CROCC2: variants seen among roughly 807,000 people sequenced by gnomAD.
The protein encoded by CROCC2 is ciliary rootlet coiled-coil protein 2.
CROCC2 carries 163 observed loss-of-function variants against 177.6 expected under a neutral mutation model. The observed-to-expected ratio is 0.92, with a 90% CI of 0.81 to 1.05. The LOEUF (loss-of-function observed/expected upper bound fraction) is 1.05. CROCC2 is among the 50% of genes least tolerant of loss of function. The pLI is 0.00. For missense variants in CROCC2, 1,929 were observed against 1,797.8 expected (o/e 1.07, Z -1.32); for synonymous variants, 904 against 787.3 (o/e 1.15, Z -2.48).
At chr2:240,930,125 G>A (rs1055945916) in intron 5 of CROCC2, 41 bp from the exon 6 acceptor site, 16 of 533,728 alleles carry the variant, frequency 3.0e-5, no homozygotes, top group Non-Finnish European at 4.8e-5. Flanking sequence ...GAGGGTAAAG[G>A]GGCCCCAGCC....
Position 240,982,754 on chromosome 2 carries a change from G to C in CROCC2, c.4402-126G>C. 1.3e-6 allele frequency: 1 copy of C among 772,702 alleles called. No homozygotes were observed. Among genetic ancestry groups the C allele is most frequent in the East Asian group, 2.8e-5 (1 of 36,360 alleles). The allele number at this position is 772,702 out of a possible 1,614,324, so 47.9% of individuals were successfully genotyped here. ...TCAGGTTGTCCTTAACCACGTTCTT[G>C]CTGTTTTCATCCCAGCGATACGGTC... On this transcript the variant is annotated intron_variant, in intron 27 of 31. Transcript: ENST00000690015. This position sits in a 1 kb window ranked among gnomAD's most constrained non-coding sequence, Gnocchi z 4.7.
chr2:240,950,279 C>G (rs2059545875), intron 17 of CROCC2, 55 bp from the exon 18 acceptor site: 1 of 1,509,578 alleles, frequency 6.6e-7, no homozygotes, highest in African/African-American at 1.4e-5. Flanking sequence ...GGACCATAGA[C>G]AACTGCTGGC....
intron 1 of CROCC2, among the ~76,000 whole-genome samples, chr2:240,909,998 C>T (rs982398898): frequency 3.9e-5 from 6 of 152,124 alleles, no homozygotes; most frequent in Non-Finnish European, 7.4e-5. Context: ...CTCCCAGGCC[C>T]GGAGAAGCCT....
rs2059725094 is a variant in CROCC2 at position 240,972,114 on chromosome 2, G to C, written c.4401+3852G>C. Among the ~76,000 whole-genome samples the C allele has an allele frequency of 6.6e-6, 1 of 152,148 alleles. No homozygotes were observed. Among genetic ancestry groups the C allele is most frequent in the African/African-American group, 2.4e-5 (1 of 41,428 alleles). On this transcript the variant is annotated intron_variant, in intron 27 of 31. Coordinates refer to ENST00000690015, the MANE Select transcript of CROCC2 (RefSeq NM_001351305.2). The surrounding 1 kb of genome is among the most constrained non-coding windows in gnomAD (Gnocchi z 7.1). The stretch of plus-strand genomic sequence containing the variant: ...TTTTCTCAAACCCCAGTGGATACTA[G>C]TTTTGTGATTTTTTTCCTTTGCGTG...
intron 7 of CROCC2, among the ~76,000 whole-genome samples, chr2:240,931,615 G>A (rs545009783): frequency 1.3e-5 from 2 of 152,364 alleles, no homozygotes; most frequent in East Asian, 3.9e-4. Context: ...GGGGCTCAGA[G>A]GTCTCTTGAG....
At position 240,949,723 on chromosome 2, in the gene CROCC2, C is replaced by A. The variant is rs561026438; in HGVS notation, c.2652+21C>A. On this transcript the variant is annotated intron_variant, in intron 17 of 31. Coordinates refer to ENST00000690015, the MANE Select transcript of CROCC2 (RefSeq NM_001351305.2). The surrounding 1 kb of genome is among the most constrained non-coding windows in gnomAD (Gnocchi z 4.5). ...AGAAGGTCTGCTTCCCAGGAGCCCA[C>A]CAGTAGCTTCCTAGAAGGCTACCAG... 6.6e-7 allele frequency: 1 copy of A among 1,523,274 alleles called. No homozygotes were observed. The highest frequency in any genetic ancestry group is 1.2e-5 in the South Asian group (1 of 82,942). The allele number at this position is 1,523,274 out of a possible 1,614,324, so 94.4% of individuals were successfully genotyped here. A position where few individuals can be genotyped will look rare whatever the true frequency, so the allele number is the denominator to read the frequency against.
At chr2:240,951,560 G>A (rs767853373) in intron 18 of CROCC2, among the ~76,000 whole-genome samples, 18 of 151,396 alleles carry the variant, frequency 1.2e-4, no homozygotes, top group East Asian at 5.9e-4. Context: ...ATCCACATTC[G>A]TAGCTGTCCA....
intron 4 of CROCC2, among the ~76,000 whole-genome samples, 188 bp from the exon 5 acceptor site, chr2:240,925,536 C>A (rs1210590751): frequency 6.6e-6 from 1 of 152,162 alleles, no homozygotes; most frequent in Non-Finnish European, 1.5e-5. Flanking sequence ...GATGCTGGCA[C>A]TCAGTTTAGG....
intron 2 of CROCC2, among the ~76,000 whole-genome samples, chr2:240,919,445 A>G (rs956247000): frequency 6.6e-6 from 1 of 152,024 alleles, no homozygotes; most frequent in Non-Finnish European, 1.5e-5. Flanking sequence ...TCTGCCTCCA[A>G]TTATCCACCT....
At chr2:240,983,867 C>T (rs1398512691) in intron 28 of CROCC2, among the ~76,000 whole-genome samples, 1 of 152,180 alleles carries the variant, frequency 6.6e-6, no homozygotes, top group Non-Finnish European at 1.5e-5. Flanking sequence ...TGGCCTGACA[C>T]ATCACACACC....
Position 240,946,222 on chromosome 2 carries a change from C to A in CROCC2, c.2332C>A (p.Arg778=). 1.3e-6 allele frequency: 2 copies of A among 1,540,342 alleles called. No individual in the cohort carries two copies. The highest frequency in any genetic ancestry group is 1.8e-6 in the Non-Finnish European group (2 of 1,138,790). Reference sequence around the variant, plus strand: ...GCAGGAGGCCTTGGAGAGGCAGGGCCGGCTCGCAGCTGAAGAGGCAGCTGA... The same window carrying A: ...GCAGGAGGCCTTGGAGAGGCAGGGCAGGCTCGCAGCTGAAGAGGCAGCTGA... ...AKQEALERQG[R]LAAEEAADLR... Residue 778 remains arginine (R), a synonymous_variant, in exon 15 of 32, where the codon CGG becomes AGG. Transcript: ENST00000690015.
In CROCC2 at chr2:240,972,297, G is replaced by A. The variant is rs1048570198; in HGVS notation, c.4401+4035G>A. The stretch of plus-strand genomic sequence containing the variant: ...GCCACAGGGAGCCATGGGGAATATG[G>A]GGAGCCAGCAGTGGAGTTCTGGCCC... On this transcript the variant is annotated intron_variant, in intron 27 of 31. Transcript: ENST00000690015. This position sits in a 1 kb window ranked among gnomAD's most constrained non-coding sequence, Gnocchi z 7.1. Among the ~76,000 whole-genome samples, 1 of 152,180 alleles carries A rather than the reference G, an allele frequency of 6.6e-6. No individual in the cohort carries two copies.
At chr2:240,992,200 T>C (rs1378944104) in intron 31 of CROCC2, among the ~76,000 whole-genome samples, 2 of 152,154 alleles carry the variant, frequency 1.3e-5, no homozygotes, top group African/African-American at 2.4e-5. Context: ...CTTGTTCTCC[T>C]CTCCAAAGGG....
rs759619062 is a variant in CROCC2 at position 240,966,208 on chromosome 2, G to A, written c.3962-17G>A. On this transcript the variant is annotated splice_polypyrimidine_tract_variant and intron_variant, in intron 24 of 31. Coordinates refer to ENST00000690015, the MANE Select transcript of CROCC2 (RefSeq NM_001351305.2). ...CTGTGTTCCTGTCCACGACCCCTCC[G>A]CTGTCACCTCCCGCAGGCTCCGACA... 2.6e-5 allele frequency: 27 copies of A among 1,034,420 alleles called. No individual in the cohort carries two copies. The highest frequency in any genetic ancestry group is 4.9e-5 in the South Asian group (1 of 20,572). The allele number at this position is 1,034,420 out of a possible 1,614,324, so 64.1% of individuals were successfully genotyped here. A position where few individuals can be genotyped will look rare whatever the true frequency, so the allele number is the denominator to read the frequency against.
rs1290571307 is a variant in CROCC2 at position 240,965,721 on chromosome 2, G to C, written c.3689G>C (p.Ser1230Thr). The change falls in exon 24 of 32, where the codon AGC becomes ACC. Residue 1230 changes from serine to threonine, a missense_variant. Ser to Thr is a moderately conservative substitution (Grantham distance 58). Transcript: ENST00000690015. The stretch of plus-strand genomic sequence containing the variant: ...CGGCTCCAGGAGCACCTCCGTGAGA[G>C]CCGGGGGGCTGAGCAGACCCTCCGA... ...GQRLQEHLRE[S>T]RGAEQTLRAE... The C allele has an allele frequency of 6.5e-7, 1 of 1,546,700 alleles. No individual in the cohort carries two copies. Among genetic ancestry groups the C allele is most frequent in the Non-Finnish European group, 8.7e-7 (1 of 1,145,232 alleles).
intron 28 of CROCC2, chr2:240,983,706 A>T: frequency 9.2e-7 from 1 of 1,089,100 alleles, no homozygotes; most frequent in Non-Finnish European, 1.2e-6. Flanking sequence ...GGTGGCACTA[A>T]GCTCAGGGTC....
chr2:240,989,768 G>T lies in CROCC2; in HGVS notation c.4798G>T (p.Ala1600Ser), dbSNP rs1031395589. 12 of 1,550,030 alleles carry T rather than the reference G, an allele frequency of 7.7e-6. No individual in the cohort carries two copies. The highest frequency in any genetic ancestry group is 1.4e-5 in the African/African-American group (1 of 73,066). Residue 1600 changes from alanine to serine, a missense_variant, in exon 30 of 32, where the codon GCC (alanine) becomes TCC (serine). Coordinates refer to ENST00000690015, the MANE Select transcript of CROCC2 (RefSeq NM_001351305.2). ...GCGTCTCCATGGGGCCCGGCCGCAGGCCACGCAGGCCCTGGAGTCCCAAGA... is the reference window on the plus strand; with the variant it reads ...GCGTCTCCATGGGGCCCGGCCGCAGTCCACGCAGGCCCTGGAGTCCCAAGA... ...AERLHGARPQ[A>S]TQALESQEWT...
chr2:240,983,014 G>A lies in CROCC2; in HGVS notation c.4536G>A (p.Leu1512=), dbSNP rs1431275025. ...EHRCQKAEVS[L]EPLRQMEQET... is the part of the protein sequence containing the mutation. ...GGTGCCAGAAGGCTGAGGTATCGCT[G>A]GAGCCCCTGCGACAGGTGAGGGTGA... The change falls in exon 28 of 32, where the codon CTG becomes CTA. Residue 1512 remains leucine, a synonymous_variant. Coordinates refer to ENST00000690015, the MANE Select transcript of CROCC2 (RefSeq NM_001351305.2). 1.7e-5 allele frequency: 27 copies of A among 1,550,120 alleles called. No individual in the cohort carries two copies. The South Asian group carries it at 1.8e-4, about 10-fold the overall frequency.
chr2:240,943,788 T>C (rs2059507357), intron 14 of CROCC2, among the ~76,000 whole-genome samples: 2 of 151,982 alleles, frequency 1.3e-5, no homozygotes, highest in African/African-American at 4.8e-5. Flanking sequence ...CCTAAAGCTT[T>C]ATTCTTGGAT....
Sources: gnomAD v4.1 joint callset for allele counts (sites outside exome capture counted in the v4.1 genomes callset) on GRCh38, gnomAD v4.1.1 for gene constraint, Gnocchi (gnomAD v3.1) non-coding constraint, MANE v1.5 for transcripts, NCBI Gene and HGNC (gene_info 2026-07-23, HGNC 2026-07-21) for gene names.